PLPPR1: variants seen among roughly 807,000 people sequenced by gnomAD.
PLPPR1 encodes phospholipid phosphatase related 1.
In PLPPR1, 10 loss-of-function variants were observed where a neutral mutation model predicts 33.1. The ratio of observed to expected loss-of-function variants is 0.30; its 90% CI spans 0.19 to 0.51. The LOEUF (loss-of-function observed/expected upper bound fraction) is 0.51, where lower values mean the gene tolerates loss of function less well. Among genes scored for constraint, PLPPR1 ranks in the 20% least tolerant of loss-of-function variants. The pLI is 0.97. For missense variants in PLPPR1, 304 were observed against 408.1 expected (o/e 0.74, Z 2.20); for synonymous variants, 151 against 151.0 (o/e 1.00, Z 0.00).
At chr9:101,174,263 G>A (rs73656178) in intron 1 of PLPPR1, among the ~76,000 whole-genome samples, 8,512 of 152,202 alleles carry the variant, frequency 0.056, 821 homozygotes, top group African/African-American at 0.19. Flanking sequence ...GCTTGTTGTT[G>A]CCTAGCTTTT....
At chr9:101,308,174 G>A (rs1002059546) in intron 4 of PLPPR1, among the ~76,000 whole-genome samples, 1 of 152,160 alleles carries the variant, frequency 6.6e-6, no homozygotes, top group Admixed American at 6.5e-5. Flanking sequence ...AGGGAATGCA[G>A]GTGTGGTTGA....
chr9:101,078,453 A>G (rs1049191449), intron 1 of PLPPR1, among the ~76,000 whole-genome samples: 22 of 152,164 alleles, frequency 1.4e-4, no homozygotes, highest in African/African-American at 5.1e-4. Flanking sequence ...TAAGATTTTC[A>G]GTTTTTTGGG....
chr9:101,189,547 C>G (rs558448615), intron 2 of PLPPR1, among the ~76,000 whole-genome samples: 42 of 152,160 alleles, frequency 2.8e-4, no homozygotes, highest in African/African-American at 9.4e-4. Flanking sequence ...AATCCTCCAC[C>G]TCTTTTGGTG....
At chr9:101,285,923 T>G (rs1049849825) in intron 3 of PLPPR1, among the ~76,000 whole-genome samples, 181 bp from the exon 4 acceptor site, 5 of 152,248 alleles carry the variant, frequency 3.3e-5, no homozygotes, top group Admixed American at 2.0e-4. Context: ...AATGATCAAT[T>G]ATCACTTTCT....
chr9:101,054,995 T>C (rs938978708), intron 1 of PLPPR1, among the ~76,000 whole-genome samples: 1 of 152,168 alleles, frequency 6.6e-6, no homozygotes, highest in Non-Finnish European at 1.5e-5. Flanking sequence ...ACGTGGTCAT[T>C]TCATAAGCGA....
intron 1 of PLPPR1, among the ~76,000 whole-genome samples, chr9:101,077,175 T>A (rs1012550706): frequency 6.6e-6 from 1 of 152,216 alleles, no homozygotes; most frequent in African/African-American, 2.4e-5. Context: ...CTCTGCTTCT[T>A]CACATCTCAC....
intron 2 of PLPPR1, among the ~76,000 whole-genome samples, chr9:101,219,140 G>T (rs1354231518): frequency 6.6e-6 from 1 of 152,204 alleles, no homozygotes; most frequent in Non-Finnish European, 1.5e-5. Flanking sequence ...CAGCATTAAT[G>T]CTACGGAAGC....
chr9:101,181,662 A>G (rs1011540452), intron 1 of PLPPR1, among the ~76,000 whole-genome samples: 4 of 148,720 alleles, frequency 2.7e-5, no homozygotes, highest in African/African-American at 9.9e-5. Flanking sequence ...GTATGTATGT[A>G]TATGTATATA....
At chr9:101,323,564 G>T (rs928652865) in intron 7 of PLPPR1, among the ~76,000 whole-genome samples, 2 of 152,084 alleles carry the variant, frequency 1.3e-5, no homozygotes, top group African/African-American at 4.8e-5. Context: ...AGGAGGCCAG[G>T]CATGGTGGCT....
intron 2 of PLPPR1, among the ~76,000 whole-genome samples, chr9:101,264,166 C>G (rs889807237): frequency 3.3e-5 from 5 of 151,994 alleles, no homozygotes; most frequent in Non-Finnish European, 5.9e-5. Flanking sequence ...TTCCCAATAC[C>G]AAAAAACATC....
At chr9:101,265,709 A>G (rs530108758) in intron 2 of PLPPR1, among the ~76,000 whole-genome samples, 1 of 152,282 alleles carries the variant, frequency 6.6e-6, no homozygotes, top group Non-Finnish European at 1.5e-5. Context: ...AAATATGGTC[A>G]CAGGAGGCCG....
At chr9:101,323,722 C>T (rs1420082578) in intron 7 of PLPPR1, among the ~76,000 whole-genome samples, 1 of 151,990 alleles carries the variant, frequency 6.6e-6, no homozygotes, top group Admixed American at 6.6e-5. Context: ...GCCTGTAATC[C>T]CAGCTACTTG....
chr9:101,041,910 T>C (rs1830082342), intron 1 of PLPPR1, among the ~76,000 whole-genome samples: 1 of 152,176 alleles, frequency 6.6e-6, no homozygotes, highest in African/African-American at 2.4e-5. Context: ...AAAAGAAATG[T>C]AAAATTCTTG....
At chr9:101,306,920 A>G (rs1170108155) in intron 4 of PLPPR1, among the ~76,000 whole-genome samples, 4 of 152,218 alleles carry the variant, frequency 2.6e-5, no homozygotes, top group Admixed American at 6.5e-5. Flanking sequence ...GTGAAGTAAG[A>G]GAGAGATGGC....
At chr9:101,063,521 C>T (rs1472476765) in intron 1 of PLPPR1, among the ~76,000 whole-genome samples, 3 of 152,060 alleles carry the variant, frequency 2.0e-5, no homozygotes, top group African/African-American at 4.8e-5. Flanking sequence ...TAGAAAGCCA[C>T]TTCTCTAATT....
At chr9:101,239,100 A>G (rs781547520) in intron 2 of PLPPR1, among the ~76,000 whole-genome samples, 2 of 150,870 alleles carry the variant, frequency 1.3e-5, no homozygotes, top group African/African-American at 2.4e-5. Flanking sequence ...CATATATACC[A>G]TATTTTCTTT....
intron 1 of PLPPR1, among the ~76,000 whole-genome samples, chr9:101,102,154 TA>T (rs762108182): frequency 0.16 from 18,564 of 117,468 alleles, 1,632 homozygotes; most frequent in East Asian, 0.36. Flanking sequence ...TTTTTTATTT[TA>T]TTATTATACT....
intron 1 of PLPPR1, among the ~76,000 whole-genome samples, chr9:101,056,395 A>G (rs1200451396): frequency 1.3e-5 from 2 of 152,104 alleles, no homozygotes; most frequent in African/African-American, 4.8e-5. Flanking sequence ...GCAGTTTGGG[A>G]CAAATCCTGA....
At chr9:101,041,320 T>C (rs1428270242) in intron 1 of PLPPR1, among the ~76,000 whole-genome samples, 1 of 152,150 alleles carries the variant, frequency 6.6e-6, no homozygotes, top group Admixed American at 6.5e-5. Flanking sequence ...TGGAAGAAGA[T>C]GAAATTAAGT....
Sources: gnomAD v4.1 joint callset for allele counts (sites outside exome capture counted in the v4.1 genomes callset) on GRCh38, gnomAD v4.1.1 for gene constraint, MANE v1.5 for transcripts, NCBI Gene and HGNC (gene_info 2026-07-23, HGNC 2026-07-21) for gene names.